The following FUCA2 variants were observed in gnomAD, a reference collection of about 807,000 sequenced individuals.
FUCA2 encodes the protein alpha-L-fucosidase 2.
A neutral mutation model predicts 52.6 loss-of-function variants in FUCA2; 41 were observed. The ratio of observed to expected loss-of-function variants is 0.78; its 90% confidence interval spans 0.61 to 1.01. The LOEUF is 1.01. Ranked by LOEUF, FUCA2 falls within the 50% of genes least tolerant of loss-of-function variation. The probability of loss-of-function intolerance (pLI) is 0.00; values close to 1 mark genes in which losing one functional copy is unlikely to be tolerated. For synonymous variants in FUCA2, 211 were observed against 217.3 expected (o/e 0.97, Z 0.26); for missense variants, 507 against 569.5 (o/e 0.89, Z 1.12).
chr6:143,499,723 T>C lies in FUCA2; in HGVS notation c.1154+2209A>G, dbSNP rs1473285253. On this transcript the variant is annotated intron_variant, in intron 5 of 6. Transcript: ENST00000002165. The surrounding 1 kb of genome is among the most constrained non-coding windows in gnomAD (Gnocchi z 6.0). ...AGTTAAGAAAATGAGCACTGGGGAC[T>C]CATCACTGGAACTGGCAAGGCAGAT... is the stretch of plus-strand genomic sequence containing the variant. Among the ~76,000 whole-genome samples the C allele has an allele frequency of 6.6e-6, 1 of 152,174 alleles. No homozygotes were observed. The highest frequency in any genetic ancestry group is 1.5e-5 in the Non-Finnish European group (1 of 68,032).
Position 143,509,201 on chromosome 6 carries a change from T to G in FUCA2, c.225-1777A>C, listed in dbSNP as rs1167250661. 6.6e-6 allele frequency among the ~76,000 whole-genome samples: 1 copy of G among 152,234 alleles called. No individual in the cohort carries two copies. The highest frequency in any genetic ancestry group is 1.5e-5 in the Non-Finnish European group (1 of 68,042). On this transcript the variant is annotated intron_variant, in intron 1 of 6. Coordinates refer to ENST00000002165, the MANE Select transcript of FUCA2 (RefSeq NM_032020.5). This position sits in a 1 kb window ranked among gnomAD's most constrained non-coding sequence, Gnocchi z 5.4. ...AAAAGAGGCATTTATGGTAAAGGTC[T>G]ATCATTTATATTTGGTTTTTAATAG... is the stretch of plus-strand genomic sequence containing the variant.
Position 143,504,410 on chromosome 6 carries a change from T to C in FUCA2, c.413-158A>G, listed in dbSNP as rs2128422195. On this transcript the variant is annotated intron_variant, in intron 2 of 6. Coordinates refer to ENST00000002165, the MANE Select transcript of FUCA2 (RefSeq NM_032020.5). This position sits in a 1 kb window ranked among gnomAD's most constrained non-coding sequence, Gnocchi z 4.4. ...ATGGCCATTTTTTCATAGCATATAT[T>C]GTGCTTTTATATGAGAAGTGAGAAT... 1 of 654,898 alleles carries C rather than the reference T, an allele frequency of 1.5e-6. No individual in the cohort carries two copies. The highest frequency in any genetic ancestry group is 2.1e-5 in the South Asian group (1 of 48,270). 40.6% of individuals were successfully genotyped at this position (654,898 alleles called of 1,614,324 possible).
Position 143,511,313 on chromosome 6 carries a change from G to T in FUCA2, c.224+98C>A. 8.8e-7 allele frequency: 1 copy of T among 1,137,948 alleles called. No individual in the cohort carries two copies. Among genetic ancestry groups the T allele is most frequent in the Non-Finnish European group, 1.2e-6 (1 of 808,054 alleles). 70.5% of individuals were successfully genotyped at this position (1,137,948 alleles called of 1,614,324 possible). On this transcript the variant is annotated intron_variant, in intron 1 of 6. Transcript: ENST00000002165. This position sits in a 1 kb window ranked among gnomAD's most constrained non-coding sequence, Gnocchi z 6.3. ...GGGAGGTGAAACCGACGAGGGTGCA[G>T]GCAGCACCAGGCGGCGAACCAGGCC...
intron 6 of FUCA2, chr6:143,496,428 T>C (rs1295996857): frequency 6.6e-6 from 1 of 152,116 alleles, no homozygotes; most frequent in East Asian, 1.9e-4. Flanking sequence ...AAAAAGAACA[T>C]AGATAAAATA....
At position 143,504,848 on chromosome 6, in the gene FUCA2, C is replaced by T. The variant is rs1438542227; in HGVS notation, c.413-596G>A. ...CTTTTAGCCTGATTATTTATTTAAC[C>T]AGAGGGGCAAAAAAAAACCCCTACT... On this transcript the variant is annotated intron_variant, in intron 2 of 6. Transcript: ENST00000002165. The surrounding 1 kb of genome is among the most constrained non-coding windows in gnomAD (Gnocchi z 4.4). 2 of 146,398 alleles carry T rather than the reference C, an allele frequency of 1.4e-5. No homozygotes were observed. Among genetic ancestry groups the T allele is most frequent in the African/African-American group, 5.3e-5 (2 of 37,960 alleles). 9.1% of individuals were successfully genotyped at this position (146,398 alleles called of 1,614,324 possible).
rs943111438 is a variant in FUCA2 at position 143,507,856 on chromosome 6, A to T, written c.225-432T>A. On this transcript the variant is annotated intron_variant, in intron 1 of 6. Transcript: ENST00000002165. The surrounding 1 kb of genome is among the most constrained non-coding windows in gnomAD (Gnocchi z 4.5). ...GGCTATTTTTTTTTTCTTTGTAGAG[A>T]TGTGGTTTCCATATGTTGCCCAGGC... Among the ~76,000 whole-genome samples the T allele has an allele frequency of 3.3e-5, 5 of 151,620 alleles. No homozygotes were observed. The highest frequency in any genetic ancestry group is 9.7e-5 in the African/African-American group (4 of 41,270).
Position 143,495,566 on chromosome 6 carries a change from G to T in FUCA2, c.*141C>A. On this transcript the variant is annotated 3_prime_UTR_variant, in exon 7 of 7. Transcript: ENST00000002165. The surrounding 1 kb of genome is among the most constrained non-coding windows in gnomAD (Gnocchi z 5.2). ...TGGGTAATTTAAGAAAAAATTTAGT[G>T]GGAAAAAGGGAAAGGGCTGAACTGC... 1 of 822,148 alleles carries T rather than the reference G, an allele frequency of 1.2e-6. No individual in the cohort carries two copies. Among genetic ancestry groups the T allele is most frequent in the Non-Finnish European group, 1.8e-6 (1 of 569,348 alleles). 50.9% of individuals were successfully genotyped at this position (822,148 alleles called of 1,614,324 possible). A position where few individuals can be genotyped will look rare whatever the true frequency, so the allele number is the denominator to read the frequency against.
intron 6 of FUCA2, among the ~76,000 whole-genome samples, 166 bp from the exon 7 acceptor site, chr6:143,496,013 G>A (rs1471388667): frequency 6.6e-6 from 1 of 152,148 alleles, no homozygotes; most frequent in Admixed American, 6.5e-5. Context: ...TTGAGTGTAT[G>A]TATCTTGCCT....
chr6:143,511,258 C>A lies in FUCA2; in HGVS notation c.224+153G>T, dbSNP rs1371218710. Among the ~76,000 whole-genome samples, 2 of 152,182 alleles carry A rather than the reference C, an allele frequency of 1.3e-5. No individual in the cohort carries two copies. Among genetic ancestry groups the A allele is most frequent in the Admixed American group, 6.5e-5 (1 of 15,288 alleles). On this transcript the variant is annotated intron_variant, in intron 1 of 6. Transcript: ENST00000002165. The surrounding 1 kb of genome is among the most constrained non-coding windows in gnomAD (Gnocchi z 6.3). ...TAGGCAGGAAACCACATATTCGACA[C>A]CCGGAAGTGCGAAACGCGGGTAACG...
chr6:143,511,337 C>T lies in FUCA2; in HGVS notation c.224+74G>A, dbSNP rs558149840. On this transcript the variant is annotated intron_variant, in intron 1 of 6. Coordinates refer to ENST00000002165, the MANE Select transcript of FUCA2 (RefSeq NM_032020.5). This position sits in a 1 kb window ranked among gnomAD's most constrained non-coding sequence, Gnocchi z 6.3. ...AGGCAGCACCAGGCGGCGAACCAGG[C>T]CCGCTGGGTGGTGGCTGGAGGCTGC... 7.7e-4 allele frequency: 1,083 copies of T among 1,406,292 alleles called. 6 individuals carry two copies. Among genetic ancestry groups the T allele is most frequent in the Middle Eastern group, 4.8e-3 (26 of 5,384 alleles). 87.1% of individuals were successfully genotyped at this position (1,406,292 alleles called of 1,614,324 possible).
In FUCA2 at chr6:143,511,599, C is replaced by G. The variant is rs770234605; in HGVS notation, c.36G>C (p.Pro12=). 2 of 1,549,746 alleles carry G rather than the reference C, an allele frequency of 1.3e-6. No homozygotes were observed. The highest frequency in any genetic ancestry group is 1.7e-6 in the Non-Finnish European group (2 of 1,146,986). Residue 12 remains proline, a synonymous_variant, in exon 1 of 7, where the codon CCG becomes CCC. Coordinates refer to ENST00000002165, the MANE Select transcript of FUCA2 (RefSeq NM_032020.5). This position sits in a 1 kb window ranked among gnomAD's most constrained non-coding sequence, Gnocchi z 6.3. The stretch of plus-strand genomic sequence containing the variant: ...GCAGCAGCAACAGCAACAGCAGCAA[C>G]GGGAACGCGAGCCTGGGGAGCTCCT... ...RPQELPRLAF[P]LLLLLLLLLP...
Position 143,502,351 on chromosome 6 carries a change from G to T in FUCA2, c.963+4C>A. 1 of 1,612,474 alleles carries T rather than the reference G, an allele frequency of 6.2e-7. No individual in the cohort carries two copies. Among genetic ancestry groups the T allele is most frequent in the Non-Finnish European group, 8.5e-7 (1 of 1,178,912 alleles). On this transcript the variant is annotated splice_donor_region_variant and intron_variant, in intron 4 of 6. Transcript: ENST00000002165. The surrounding 1 kb of genome is among the most constrained non-coding windows in gnomAD (Gnocchi z 4.1). ...GTTAATAGCCACCAGACATTTCACTGTACCTTCACCAATTCTTCAATTGTA... is the reference window on the plus strand; with the variant it reads ...GTTAATAGCCACCAGACATTTCACTTTACCTTCACCAATTCTTCAATTGTA...
rs1780626747 is a variant in FUCA2 at position 143,507,639 on chromosome 6, T to C, written c.225-215A>G. Among the ~76,000 whole-genome samples, 1 of 152,060 alleles carries C rather than the reference T, an allele frequency of 6.6e-6. No homozygotes were observed. The highest frequency in any genetic ancestry group is 2.4e-5 in the African/African-American group (1 of 41,420). ...CCCCCTGTGATATCCACTCAGCTCATAAACTAGAGCATTCTAGGCAACTCA... is the reference window on the plus strand; with the variant it reads ...CCCCCTGTGATATCCACTCAGCTCACAAACTAGAGCATTCTAGGCAACTCA... On this transcript the variant is annotated intron_variant, in intron 1 of 6. Coordinates refer to ENST00000002165, the MANE Select transcript of FUCA2 (RefSeq NM_032020.5). This position sits in a 1 kb window ranked among gnomAD's most constrained non-coding sequence, Gnocchi z 4.5.
In FUCA2 at chr6:143,497,827, T is replaced by TATTC. The variant is rs1366463518; in HGVS notation, c.1155-334_1155-331dup. Among the ~76,000 whole-genome samples the TATTC allele has an allele frequency of 1.2e-4, 19 of 152,324 alleles. No homozygotes were observed. The East Asian group carries it at 1.9e-3, about 15-fold the overall frequency. On this transcript the variant is annotated intron_variant, in intron 5 of 6. Transcript: ENST00000002165. The surrounding 1 kb of genome is among the most constrained non-coding windows in gnomAD (Gnocchi z 5.3). Reference sequence around the variant, plus strand: ...TTTTCATGTATTATTCAAATTTTTATATTCATTCATTCATTCAACAAGACA... The same window carrying TATTC: ...TTTTCATGTATTATTCAAATTTTTATATTCATTCATTCATTCATTCAACAAGACA...
Position 143,507,163 on chromosome 6 carries a change from G to GT in FUCA2, c.412+73dup. 7.0e-7 allele frequency: 1 copy of GT among 1,438,270 alleles called. No homozygotes were observed. Among genetic ancestry groups the GT allele is most frequent in the Non-Finnish European group, 9.5e-7 (1 of 1,056,844 alleles). The allele number at this position is 1,438,270 out of a possible 1,614,324, so 89.1% of individuals were successfully genotyped here. On this transcript the variant is annotated intron_variant, in intron 2 of 6. Coordinates refer to ENST00000002165, the MANE Select transcript of FUCA2 (RefSeq NM_032020.5). This position sits in a 1 kb window ranked among gnomAD's most constrained non-coding sequence, Gnocchi z 4.5. ...GAAGAGAAAATTAGACCTTGCTTTA[G>GT]TTTTTTCTTCCAAAAGAACAACTTT...
In FUCA2 at chr6:143,504,355, T is replaced by G; in HGVS notation, c.413-103A>C. 1 of 921,086 alleles carries G rather than the reference T, an allele frequency of 1.1e-6. No individual in the cohort carries two copies. 57.1% of individuals were successfully genotyped at this position (921,086 alleles called of 1,614,324 possible). On this transcript the variant is annotated intron_variant, in intron 2 of 6. Transcript: ENST00000002165. The surrounding 1 kb of genome is among the most constrained non-coding windows in gnomAD (Gnocchi z 4.4). ...CAAATCACATAGTACATGCGATATATAAATACCTGCTCCTACAAATGACTG... is the reference window on the plus strand; with the variant it reads ...CAAATCACATAGTACATGCGATATAGAAATACCTGCTCCTACAAATGACTG...
intron 2 of FUCA2, chr6:143,506,569 A>G (rs961721024): frequency 1.3e-5 from 2 of 152,182 alleles, no homozygotes; most frequent in Non-Finnish European, 2.9e-5. Context: ...GAACAAAAAC[A>G]ATTTGTTAAT....
chr6:143,511,437 C>T lies in FUCA2; in HGVS notation c.198G>A (p.Val66=), dbSNP rs2128423074. 6 of 1,611,702 alleles carry T rather than the reference C, an allele frequency of 3.7e-6. No individual in the cohort carries two copies. The South Asian group carries it at 6.6e-5, about 18-fold the overall frequency. ...AGAACCACTCGCTACCGAAGCTGGG[C>T]ACGGAAAACACTCCCCAGTGGATGA... ...GIFIHWGVFS[V]PSFGSEWFWW... is the part of the protein sequence containing the mutation. Residue 66 remains valine (V), a synonymous_variant, in exon 1 of 7, where the codon GTG becomes GTA. Coordinates refer to ENST00000002165, the MANE Select transcript of FUCA2 (RefSeq NM_032020.5). This position sits in a 1 kb window ranked among gnomAD's most constrained non-coding sequence, Gnocchi z 6.3.
Position 143,504,026 on chromosome 6 carries a change from G to C in FUCA2, c.639C>G (p.Leu213=), listed in dbSNP as rs1769322887. ...GCTGATAGTTGTTCACTAACTCATA[G>C]AGCTCTGGCAATGTCTTAGAAACTG... ...QFPVSKTLPE[L]YELVNNYQPE... is the part of the protein sequence containing the mutation. The change falls in exon 3 of 7, where the codon CTC becomes CTG. Residue 213 remains leucine (L), a synonymous_variant. Transcript: ENST00000002165. The surrounding 1 kb of genome is among the most constrained non-coding windows in gnomAD (Gnocchi z 4.4). 6.2e-7 allele frequency: 1 copy of C among 1,614,142 alleles called. No individual in the cohort carries two copies.
Sources: allele counts gnomAD v4.1 joint callset (sites outside exome capture counted in the v4.1 genomes callset), GRCh38; gene constraint gnomAD v4.1.1; non-coding constraint Gnocchi (gnomAD v3.1); transcripts MANE v1.5; gene names NCBI Gene and HGNC (gene_info 2026-07-23, HGNC 2026-07-21).